SMAP2: variants seen among roughly 807,000 people sequenced by gnomAD.
SMAP2 encodes the protein small ArfGAP2, also known as stromal membrane-associated protein 2.
In SMAP2, 25 loss-of-function variants were observed where a neutral mutation model predicts 56.4. That is an observed-to-expected ratio of 0.44 (90% CI 0.32 to 0.62). The LOEUF (loss-of-function observed/expected upper bound fraction) is 0.62. Among genes scored for constraint, SMAP2 ranks in the 20% least tolerant of loss-of-function variants. The probability of loss-of-function intolerance (pLI) is 0.04; values close to 1 mark genes in which losing one functional copy is unlikely to be tolerated. For missense variants in SMAP2, 388 were observed against 545.6 expected, an observed-to-expected ratio of 0.71 and a Z score of 2.88; for synonymous variants, 157 against 181.7, an observed-to-expected ratio of 0.86 and a Z score of 1.09.
Position 40,374,601 on chromosome 1 carries a change from G to GCGTGTT in SMAP2, c.103+378_103+379insCGTGTT. The GCGTGTT allele has an allele frequency of 9.4e-7, 1 of 1,067,756 alleles. No individual in the cohort carries two copies. Among genetic ancestry groups the GCGTGTT allele is most frequent in the African/African-American group, 1.9e-5 (1 of 52,710 alleles). The allele number at this position is 1,067,756 out of a possible 1,614,324, so 66.1% of individuals were successfully genotyped here. A position where few individuals can be genotyped will look rare whatever the true frequency, so the allele number is the denominator to read the frequency against. On this transcript the variant is annotated intron_variant, in intron 1 of 9. Coordinates refer to ENST00000372718, the MANE Select transcript of SMAP2 (RefSeq NM_022733.3). This position sits in a 1 kb window ranked among gnomAD's most constrained non-coding sequence, Gnocchi z 5.9. ...ATTGCGTGCGTGCGTGCGTGCGTGT[G>GCGTGTT]TGTGTGTGTGTGTGTGTGTGTGTGA...
At chr1:40,378,726 T>G (rs1386218481) in intron 1 of SMAP2, among the ~76,000 whole-genome samples, 1 of 152,202 alleles carries the variant, frequency 6.6e-6, no homozygotes, top group African/African-American at 2.4e-5. Context: ...TTTTTGCTTT[T>G]CCCTTCTTCT....
Position 40,385,051 on chromosome 1 carries a change from G to A in SMAP2, c.103+10828G>A, listed in dbSNP as rs1000267416. 2.6e-4 allele frequency among the ~76,000 whole-genome samples: 40 copies of A among 151,990 alleles called. No individual in the cohort carries two copies. Among genetic ancestry groups the A allele is most frequent in the African/African-American group, 9.4e-4 (39 of 41,368 alleles). ...CTGAACTGCAGGTCTCTCCCCAGTG[G>A]AAAGCCCCAGAGATGAGCCAGATCT... On this transcript the variant is annotated intron_variant, in intron 1 of 9. Coordinates refer to ENST00000372718, the MANE Select transcript of SMAP2 (RefSeq NM_022733.3). This position sits in a 1 kb window ranked among gnomAD's most constrained non-coding sequence, Gnocchi z 4.5.
chr1:40,407,672 CACAT>C (rs2124342735), intron 2 of SMAP2, among the ~76,000 whole-genome samples: 2 of 151,814 alleles, frequency 1.3e-5, no homozygotes, highest in South Asian at 2.1e-4. Context: ...TATTTTTAGA[CACAT>C]ACAAATGTGG....
intron 1 of SMAP2, among the ~76,000 whole-genome samples, chr1:40,379,723 G>A (rs1419981042): frequency 6.6e-6 from 1 of 152,008 alleles, no homozygotes; most frequent in Non-Finnish European, 1.5e-5. Flanking sequence ...GCAGAGAGAA[G>A]GTTTCACCAT....
chr1:40,421,830 A>G (rs1193724216), intron 9 of SMAP2, 146 bp from the exon 10 acceptor site: 2 of 853,828 alleles, frequency 2.3e-6, no homozygotes, highest in African/African-American at 1.7e-5. Context: ...TCTGACTGCT[A>G]AGGTCCAGGG....
chr1:40,360,092 C>T lies in SMAP2; in HGVS notation c.-82-2208C>T, dbSNP rs545850327. ...TGCGATCTCGGCTCACTGCAAGCTC[C>T]GCCTCCCAGGTTCATGCCATTCTCC... is the stretch of plus-strand genomic sequence containing the variant. On this transcript the variant is annotated intron_variant, in intron 1 of 6. Transcript: ENST00000435168. Among the ~76,000 whole-genome samples, 32 of 144,720 alleles carry T rather than the reference C, an allele frequency of 2.2e-4. 1 individual carries two copies. The highest frequency in any genetic ancestry group is 6.7e-4 in the African/African-American group (26 of 38,558). The allele number at this position is 144,720 out of a possible 152,430, so 94.9% of individuals were successfully genotyped here. A position where few individuals can be genotyped will look rare whatever the true frequency, so the allele number is the denominator to read the frequency against.
At chr1:40,370,935 G>A (rs944739181), upstream of SMAP2, among the ~76,000 whole-genome samples, 17 of 152,096 alleles carry the variant, frequency 1.1e-4, no homozygotes, top group African/African-American at 4.1e-4. Flanking sequence ...AGTACTTTGG[G>A]AGGCTGAGGT....
At chr1:40,413,768 A>G (rs188761698) in intron 5 of SMAP2, among the ~76,000 whole-genome samples, 2 of 152,322 alleles carry the variant, frequency 1.3e-5, no homozygotes, top group East Asian at 3.9e-4. Context: ...GTGTTAAAGT[A>G]AAAGGTTTTC....
At position 40,405,238 on chromosome 1, in the gene SMAP2, C is replaced by A. The variant is rs549898830; in HGVS notation, c.104-1498C>A. On this transcript the variant is annotated intron_variant, in intron 1 of 9. Transcript: ENST00000372718. ...GCACAATGGCTCACACCTGTAATCC[C>A]AGCACTTCGGGAGGCCAAAGTGGGA... is the stretch of plus-strand genomic sequence containing the variant. Among the ~76,000 whole-genome samples, 4 of 152,278 alleles carry A rather than the reference C, an allele frequency of 2.6e-5. No individual in the cohort carries two copies. The South Asian group carries it at 8.3e-4, about 32-fold the overall frequency.
chr1:40,377,357 G>A (rs755893209), intron 1 of SMAP2, among the ~76,000 whole-genome samples: 1 of 152,080 alleles, frequency 6.6e-6, no homozygotes, highest in East Asian at 1.9e-4. Context: ...TTTTTACTTC[G>A]TACAAGTTTT....
intron 2 of SMAP2, among the ~76,000 whole-genome samples, chr1:40,365,870 G>T (rs1297664827): frequency 2.0e-5 from 3 of 151,538 alleles, no homozygotes; most frequent in Non-Finnish European, 4.4e-5. Context: ...TTGACGAGCT[G>T]AGAGAAGAAG....
In SMAP2 at chr1:40,408,023, G is replaced by A. The variant is rs561107408; in HGVS notation, c.238-630G>A. Among the ~76,000 whole-genome samples, 9 of 152,100 alleles carry A rather than the reference G, an allele frequency of 5.9e-5. No individual in the cohort carries two copies. Among genetic ancestry groups the A allele is most frequent in the Non-Finnish European group, 1.3e-4 (9 of 68,028 alleles). On this transcript the variant is annotated intron_variant, in intron 2 of 9. Transcript: ENST00000372718. The surrounding 1 kb of genome is among the most constrained non-coding windows in gnomAD (Gnocchi z 4.3). ...CCGCCCCCCAAATCCAGTTGCTAAA[G>A]TTGGTAATGGAAATCAGAGGTTACG...
At chr1:40,416,059 A>G (rs1173825797) in intron 7 of SMAP2, 117 bp from the exon 8 acceptor site, 3 of 949,934 alleles carry the variant, frequency 3.2e-6, no homozygotes, top group Non-Finnish European at 3.2e-6. Flanking sequence ...GGAAGCTATT[A>G]ACTTGAGCCA....
chr1:40,410,109 G>C (rs186958708), intron 4 of SMAP2, among the ~76,000 whole-genome samples: 4 of 151,674 alleles, frequency 2.6e-5, no homozygotes, highest in African/African-American at 9.7e-5. Context: ...CAGGCATGGT[G>C]GTATACATGC....
At chr1:40,421,897 A>G in intron 9 of SMAP2, 79 bp from the exon 10 acceptor site, 2 of 1,542,334 alleles carry the variant, frequency 1.3e-6, no homozygotes, top group Non-Finnish European at 1.8e-6. Flanking sequence ...TGGCAGAGAA[A>G]GGGACTCTCA....
chr1:40,379,981 T>C (rs1035985818), intron 1 of SMAP2, among the ~76,000 whole-genome samples: 2 of 152,240 alleles, frequency 1.3e-5, no homozygotes, highest in African/African-American at 4.8e-5. Flanking sequence ...ACTTTGCTTA[T>C]TGCAGCTTGG....
At chr1:40,357,131 T>A (rs1427556805) in intron 1 of SMAP2, among the ~76,000 whole-genome samples, 5 of 121,010 alleles carry the variant, frequency 4.1e-5, no homozygotes, top group Non-Finnish European at 9.4e-5. Context: ...CTTCATTTTG[T>A]TGATTATTTC....
At chr1:40,344,895 A>C (rs952588139) in exon 1 of SMAP2, 1 of 151,440 alleles carries the variant, frequency 6.6e-6, no homozygotes, top group African/African-American at 2.4e-5. Flanking sequence ...TTGAGCCACA[A>C]CTGTCACAAC....
chr1:40,394,640 T>C (rs757795898), intron 1 of SMAP2, among the ~76,000 whole-genome samples: 1 of 152,124 alleles, frequency 6.6e-6, no homozygotes, highest in Non-Finnish European at 1.5e-5. Flanking sequence ...CAGAATCTCC[T>C]AGGGAAACCC....
Sources: allele counts gnomAD v4.1 joint callset (sites outside exome capture counted in the v4.1 genomes callset), GRCh38; gene constraint gnomAD v4.1.1; non-coding constraint Gnocchi (gnomAD v3.1); transcripts MANE v1.5; gene names NCBI Gene and HGNC (gene_info 2026-07-23, HGNC 2026-07-21).